TRMT11: variants seen among roughly 807,000 people sequenced by gnomAD.
The protein encoded by TRMT11 is tRNA methyltransferase 11, also known as tRNA (guanine(10)-N(2))-methyltransferase TRMT11.
A neutral mutation model predicts 62.8 loss-of-function variants in TRMT11; 53 were observed. The ratio of observed to expected loss-of-function variants is 0.84; its 90% confidence interval spans 0.68 to 1.06. The LOEUF is 1.06. TRMT11 is among the 50% of genes least tolerant of loss of function. The pLI is 0.00. For missense variants in TRMT11, 556 were observed against 553.4 expected (o/e 1.00, Z -0.05); for synonymous variants, 188 against 190.3 (o/e 0.99, Z 0.10).
chr6:126,171,205 T>C (rs903113574), intron 21 of TRMT11, among the ~76,000 whole-genome samples: 6 of 152,170 alleles, frequency 3.9e-5, no homozygotes, highest in African/African-American at 1.4e-4. Flanking sequence ...AAGGAGGCTA[T>C]ATGTATTTTT....
At chr6:126,130,579 GT>G (rs11298242) in intron 21 of TRMT11, among the ~76,000 whole-genome samples, 82,624 of 151,350 alleles carry the variant, frequency 0.55, 24,013 homozygotes, top group African/African-American at 0.72. Context: ...ATGTTTTACT[GT>G]TTTTTTTTGT....
intron 21 of TRMT11, among the ~76,000 whole-genome samples, chr6:126,162,680 C>T (rs1237862018): frequency 6.6e-6 from 1 of 152,138 alleles, no homozygotes; most frequent in East Asian, 1.9e-4. Context: ...GATATTGATT[C>T]TTCCTATCCA....
chr6:126,261,903 T>C, the TRMT11 span, among the ~76,000 whole-genome samples: 2 of 152,272 alleles, frequency 1.3e-5, no homozygotes, highest in East Asian at 1.9e-4. Context: ...AGCTGAGCCA[T>C]GTGTAGACAC....
At chr6:125,998,906 T>A (rs1194304310) in intron 6 of TRMT11, among the ~76,000 whole-genome samples, 1 of 152,098 alleles carries the variant, frequency 6.6e-6, no homozygotes, top group Non-Finnish European at 1.5e-5. Flanking sequence ...GGAGTTGGTA[T>A]ACCTGGAAAT....
chr6:126,203,185 T>C (rs1424301635), downstream of TRMT11, among the ~76,000 whole-genome samples: 1 of 152,236 alleles, frequency 6.6e-6, no homozygotes, highest in Admixed American at 6.5e-5. Context: ...CCCCATGTTT[T>C]GTTTAATGCT....
At chr6:126,027,490 A>T (rs1773402692) in intron 12 of TRMT11, among the ~76,000 whole-genome samples, 1 of 152,214 alleles carries the variant, frequency 6.6e-6, no homozygotes, top group Non-Finnish European at 1.5e-5. Context: ...GTGGGCCATC[A>T]TGTGCCCTAT....
chr6:126,182,318 T>G (rs142252244), intron 1 of TRMT11, among the ~76,000 whole-genome samples: 83 of 151,836 alleles, frequency 5.5e-4, no homozygotes, highest in African/African-American at 1.9e-3. Context: ...AGCAGAAGGG[T>G]TGAAGGGAGT....
chr6:126,228,543 C>T, the TRMT11 span, among the ~76,000 whole-genome samples: 1 of 152,152 alleles, frequency 6.6e-6, no homozygotes, highest in Non-Finnish European at 1.5e-5. Flanking sequence ...TGTGATCCTC[C>T]TCAGGTGCTC....
the TRMT11 span, among the ~76,000 whole-genome samples, chr6:126,262,741 T>A: frequency 6.6e-6 from 1 of 152,180 alleles, no homozygotes; most frequent in Non-Finnish European, 1.5e-5. Flanking sequence ...GATATCCAAC[T>A]TACATTTTCC....
chr6:126,094,396 A>G (rs1317275796), intron 17 of TRMT11, among the ~76,000 whole-genome samples: 2 of 152,220 alleles, frequency 1.3e-5, no homozygotes, highest in African/African-American at 2.4e-5. Flanking sequence ...GCACCATCAT[A>G]CATATATAAT....
chr6:126,034,717 G>A (rs983146095), intron 12 of TRMT11, among the ~76,000 whole-genome samples: 3 of 152,048 alleles, frequency 2.0e-5, no homozygotes, highest in East Asian at 1.9e-4. Context: ...ATACGTAGGT[G>A]ATATCACAAT....
chr6:126,004,421 A>C (rs1205591578), intron 7 of TRMT11, among the ~76,000 whole-genome samples: 1 of 152,020 alleles, frequency 6.6e-6, no homozygotes, highest in East Asian at 1.9e-4. Flanking sequence ...TATTTTCGTA[A>C]TTTGTGTTTG....
At chr6:126,175,770 G>A (rs1376697322), upstream of TRMT11, among the ~76,000 whole-genome samples, 1 of 152,114 alleles carries the variant, frequency 6.6e-6, no homozygotes, top group Non-Finnish European at 1.5e-5. Flanking sequence ...AGACATCCTT[G>A]TTGGATATTT....
chr6:126,134,399 CAAAG>C (rs1481811181), intron 21 of TRMT11, among the ~76,000 whole-genome samples: 1 of 151,626 alleles, frequency 6.6e-6, no homozygotes, highest in Admixed American at 6.6e-5. Flanking sequence ...AAAAGAGAGA[CAAAG>C]AAGAGGATTC....
chr6:126,269,346 A>T, the TRMT11 span, among the ~76,000 whole-genome samples: 1 of 152,066 alleles, frequency 6.6e-6, no homozygotes, highest in South Asian at 2.1e-4. Flanking sequence ...TGGCTGATAA[A>T]GCAAAATACA....
intron 17 of TRMT11, among the ~76,000 whole-genome samples, chr6:126,081,271 A>G (rs1001986613): frequency 2.0e-5 from 3 of 152,198 alleles, no homozygotes; most frequent in Non-Finnish European, 4.4e-5. Flanking sequence ...CCATACCAAT[A>G]TGCAAAGGCC....
chr6:126,216,332 T>C, the TRMT11 span, among the ~76,000 whole-genome samples: 20 of 152,268 alleles, frequency 1.3e-4, no homozygotes, highest in South Asian at 4.1e-3. Context: ...CACTTATCTG[T>C]AAACTTTCTG....
At chr6:126,146,423 C>T (rs1293090210) in intron 21 of TRMT11, among the ~76,000 whole-genome samples, 7 of 152,102 alleles carry the variant, frequency 4.6e-5, no homozygotes, top group Non-Finnish European at 1.0e-4. Flanking sequence ...CTTCCTCTAT[C>T]GAACTGATAT....
At chr6:125,995,896 A>G (rs1791421776) in intron 2 of TRMT11, 71 bp from the exon 3 acceptor site, 2 of 901,486 alleles carry the variant, frequency 2.2e-6, no homozygotes, top group South Asian at 2.7e-5. Context: ...CTCCTTATTG[A>G]CTTCTTGAAT....
Sources: gnomAD v4.1 joint callset for allele counts (sites outside exome capture counted in the v4.1 genomes callset) on GRCh38, gnomAD v4.1.1 for gene constraint, MANE v1.5 for transcripts, NCBI Gene and HGNC (gene_info 2026-07-23, HGNC 2026-07-21) for gene names.